LOXL2: variants seen among roughly 807,000 people sequenced by gnomAD.
LOXL2 encodes lysyl oxidase homolog 2.
Under a neutral mutation model 93.0 loss-of-function variants are expected in LOXL2, and 70 were observed. The ratio of observed to expected loss-of-function variants is 0.75; its 90% CI spans 0.62 to 0.92. The LOEUF is 0.92. Among genes scored for constraint, LOXL2 ranks in the 40% least tolerant of loss-of-function variants. The pLI is 0.00. For synonymous variants in LOXL2, 438 were observed against 413.2 expected, an observed-to-expected ratio of 1.06 and a Z score of -0.73; for missense variants, 973 against 1,054.9, an observed-to-expected ratio of 0.92 and a Z score of 1.08.
chr8:23,386,159 C>G (rs1444297431), intron 1 of LOXL2: 1 of 663,548 alleles, frequency 1.5e-6, no homozygotes, highest in African/African-American at 1.8e-5. Flanking sequence ...AGCAGACACC[C>G]TTATTCACTA....
chr8:23,341,127 T>G lies in LOXL2; in HGVS notation c.608A>C (p.Glu203Ala). Residue 203 changes from glutamate to alanine, a missense_variant, in exon 4 of 14, where the codon GAG becomes GCG. Physicochemically the swap from Glu to Ala is moderately radical, Grantham distance 107. Coordinates refer to ENST00000389131, the MANE Select transcript of LOXL2 (RefSeq NM_002318.3). ...GCCCTCCTTCACCTCCACGTAGCCC[T>G]CCATCACTGGGGTGCGCTTGCGGTA... ...STYRKRTPVM[E>A]GYVEVKEGKT... 2 of 1,613,972 alleles carry G rather than the reference T, an allele frequency of 1.2e-6. No individual in the cohort carries two copies. Among genetic ancestry groups the G allele is most frequent in the Non-Finnish European group, 1.7e-6 (2 of 1,180,006 alleles).
intron 1 of LOXL2, among the ~76,000 whole-genome samples, chr8:23,399,400 T>C (rs1800130635): frequency 6.6e-6 from 1 of 152,180 alleles, no homozygotes; most frequent in South Asian, 2.1e-4. Context: ...AGGTGGGGCC[T>C]TTAAGAAGTG....
chr8:23,344,604 T>C (rs538619826), intron 3 of LOXL2, among the ~76,000 whole-genome samples: 1 of 152,268 alleles, frequency 6.6e-6, no homozygotes, highest in East Asian at 1.9e-4. Flanking sequence ...TGTGTGTCTG[T>C]GTGCATGATG....
At chr8:23,383,427 A>C (rs1269256071) in intron 1 of LOXL2, among the ~76,000 whole-genome samples, 1 of 152,260 alleles carries the variant, frequency 6.6e-6, no homozygotes, top group East Asian at 1.9e-4. Flanking sequence ...TTGAACCTAG[A>C]ACCTGATTGT....
chr8:23,388,882 G>T (rs1804803894), intron 1 of LOXL2, among the ~76,000 whole-genome samples: 1 of 152,140 alleles, frequency 6.6e-6, no homozygotes, highest in Non-Finnish European at 1.5e-5. Flanking sequence ...TGAGAGCTGG[G>T]GAAGAGGGCT....
intron 4 of LOXL2, among the ~76,000 whole-genome samples, chr8:23,334,438 T>A (rs1364636885): frequency 6.6e-6 from 1 of 152,210 alleles, no homozygotes; most frequent in Non-Finnish European, 1.5e-5. Flanking sequence ...GTATTTCCAA[T>A]GAGAAACAAT....
intron 7 of LOXL2, 74 bp from the exon 8 acceptor site, chr8:23,320,126 A>T: frequency 1.3e-6 from 2 of 1,482,888 alleles, no homozygotes; most frequent in Non-Finnish European, 9.2e-7. Context: ...CATCAGCCCC[A>T]GTGTCCTGGA....
chr8:23,343,855 G>A (rs555281136), intron 3 of LOXL2, among the ~76,000 whole-genome samples: 4 of 152,118 alleles, frequency 2.6e-5, no homozygotes, highest in Non-Finnish European at 2.9e-5. Flanking sequence ...CCCACAAGCC[G>A]GCCCTCTTCT....
intron 2 of LOXL2, among the ~76,000 whole-genome samples, chr8:23,362,196 A>G (rs1804306116): frequency 6.6e-6 from 1 of 152,214 alleles, no homozygotes; most frequent in African/African-American, 2.4e-5. Context: ...ACCTGCTGCA[A>G]TAAAGACACT....
intron 10 of LOXL2, among the ~76,000 whole-genome samples, chr8:23,309,175 G>A (rs1803281141): frequency 1.3e-5 from 2 of 151,972 alleles, no homozygotes; most frequent in African/African-American, 2.4e-5. Flanking sequence ...AGTAGAGACG[G>A]GGTTTCACCG....
chr8:23,310,435 A>G lies in LOXL2; in HGVS notation c.1637-524T>C, dbSNP rs185580895. ...GTCTGTGGATTTATGGTGCACTAAT[A>G]CAGTTCCCCTTAAAATACATCTTCA... On this transcript the variant is annotated intron_variant, in intron 9 of 13. Transcript: ENST00000389131. Among the ~76,000 whole-genome samples the G allele has an allele frequency of 2.2e-3, 331 of 152,354 alleles. 1 individual carries two copies. The highest frequency in any genetic ancestry group is 8.0e-3 in the Admixed American group (123 of 15,308).
At chr8:23,385,138 C>T (rs371060816) in intron 1 of LOXL2, among the ~76,000 whole-genome samples, 4 of 152,160 alleles carry the variant, frequency 2.6e-5, no homozygotes, top group African/African-American at 9.6e-5. Flanking sequence ...CCTGCGCCCC[C>T]GTCCTGTTCG....
At chr8:23,372,173 A>G (rs981282206) in intron 1 of LOXL2, among the ~76,000 whole-genome samples, 4 of 152,068 alleles carry the variant, frequency 2.6e-5, no homozygotes. Context: ...AAAGACAAAG[A>G]TCATCAGAAC....
rs191463061 is a variant in LOXL2, at chr8:23,296,913, C to T, written c.*1130G>A. On this transcript the variant is annotated 3_prime_UTR_variant, in exon 14 of 14. Transcript: ENST00000389131. ...GCCTTCTGACAAGTTTCAGTAAAAACCACAGGAGTTCAAGAAAGATTATGA... is the reference window on the plus strand; with the variant it reads ...GCCTTCTGACAAGTTTCAGTAAAAATCACAGGAGTTCAAGAAAGATTATGA... Among the ~76,000 whole-genome samples, 1 of 152,360 alleles carries T rather than the reference C, an allele frequency of 6.6e-6. No homozygotes were observed. Among genetic ancestry groups the T allele is most frequent in the East Asian group, 1.9e-4 (1 of 5,192 alleles).
Position 23,322,269 on chromosome 8 carries a change from A to G in LOXL2, c.1163T>C (p.Ile388Thr). 6.2e-7 allele frequency: 1 copy of G among 1,614,142 alleles called. No individual in the cohort carries two copies. The highest frequency in any genetic ancestry group is 8.5e-7 in the Non-Finnish European group (1 of 1,179,996). The change falls in exon 7 of 14, where the codon ATC (isoleucine) becomes ACC (threonine). Residue 388 changes from isoleucine (I) to threonine (T), a missense_variant. Transcript: ENST00000389131. ...GSRLGQGIGP[I>T]HLNEIQCTGN... is the part of the protein sequence containing the mutation. The stretch of plus-strand genomic sequence containing the variant: ...TGTGCACTGGATCTCGTTGAGGTGG[A>G]TGGGTCCGATCCCTGCAAGGGGAGA...
At chr8:23,318,488 GTT>G (rs1803442093) in intron 8 of LOXL2, among the ~76,000 whole-genome samples, 1 of 150,448 alleles carries the variant, frequency 6.6e-6, no homozygotes, top group African/African-American at 2.5e-5. Context: ...CAACCTACTG[GTT>G]TTGTTTCTCT....
intron 10 of LOXL2, among the ~76,000 whole-genome samples, chr8:23,305,740 C>T (rs548584752): frequency 7.9e-5 from 12 of 152,110 alleles, no homozygotes; most frequent in East Asian, 1.9e-4. Flanking sequence ...TGACACTTGG[C>T]GGAGGTCACT....
chr8:23,372,599 C>A (rs547632278), intron 1 of LOXL2, among the ~76,000 whole-genome samples: 10 of 152,262 alleles, frequency 6.6e-5, no homozygotes, highest in Admixed American at 5.2e-4. Flanking sequence ...CGTACATTAA[C>A]CAGAGGGAAA....
intron 1 of LOXL2, among the ~76,000 whole-genome samples, chr8:23,390,303 T>C (rs1387807211): frequency 6.6e-6 from 1 of 152,164 alleles, no homozygotes; most frequent in African/African-American, 2.4e-5. Context: ...ATGAGGGAAG[T>C]GGCTCGGGGG....
Sources: allele counts gnomAD v4.1 joint callset (sites outside exome capture counted in the v4.1 genomes callset), GRCh38; gene constraint gnomAD v4.1.1; transcripts MANE v1.5; gene names NCBI Gene and HGNC (gene_info 2026-07-23, HGNC 2026-07-21).